Variants in RAB3IP observed in about 807,000 individuals in gnomAD.
The protein encoded by RAB3IP is RAB3A interacting protein.
A neutral mutation model predicts 59.1 loss-of-function variants in RAB3IP; 36 were observed. The ratio of observed to expected loss-of-function variants is 0.61; its 90% confidence interval spans 0.47 to 0.80. The LOEUF is 0.80. RAB3IP is among the 30% of genes least tolerant of loss of function. The pLI is 0.00. For missense variants in RAB3IP, 511 were observed against 536.0 expected (o/e 0.95, Z 0.46); for synonymous variants, 207 against 191.2 (o/e 1.08, Z -0.68).
rs944074790 is a variant in RAB3IP at position 69,819,370 on chromosome 12, A to G, written c.*3924A>G. The stretch of plus-strand genomic sequence containing the variant: ...GGGTATGTGCATAACAGAGACAGAA[A>G]TTCAGTGTTTGACAGATCAAGTGTG... On this transcript the variant is annotated 3_prime_UTR_variant, in exon 11 of 11. Coordinates refer to ENST00000247833, the MANE Select transcript of RAB3IP (RefSeq NM_022456.5). 1 of 152,214 alleles carries G rather than the reference A, an allele frequency of 6.6e-6. No homozygotes were observed. The highest frequency in any genetic ancestry group is 2.4e-5 in the African/African-American group (1 of 41,458). The allele number at this position is 152,214 out of a possible 1,614,324, so 9.4% of individuals were successfully genotyped here.
At position 69,781,934 on chromosome 12, in the gene RAB3IP, G is replaced by C. The variant is rs150394995; in HGVS notation, c.511-2786G>C. Reference sequence around the variant, plus strand: ...CCATGATAAGAGTATGGTTAGCTTTGTAAGAAATTGCCAAACTATCTTCCA... The same window carrying C: ...CCATGATAAGAGTATGGTTAGCTTTCTAAGAAATTGCCAAACTATCTTCCA... On this transcript the variant is annotated intron_variant, in intron 3 of 10. Transcript: ENST00000247833. Among the ~76,000 whole-genome samples the C allele has an allele frequency of 7.9e-5, 12 of 152,328 alleles. No homozygotes were observed. In the East Asian group the frequency reaches 2.3e-3, roughly 29 times the overall value.
At chr12:69,752,585 A>G (rs1415074111) in intron 1 of RAB3IP, among the ~76,000 whole-genome samples, 2 of 152,156 alleles carry the variant, frequency 1.3e-5, no homozygotes, top group South Asian at 2.1e-4. Flanking sequence ...ATGCTGGGTC[A>G]CAGGTTTAAT....
intron 3 of RAB3IP, among the ~76,000 whole-genome samples, chr12:69,771,039 G>C (rs191799209): frequency 6.6e-6 from 1 of 151,936 alleles, no homozygotes; most frequent in African/African-American, 2.4e-5. Flanking sequence ...TTTGATAACC[G>C]CTATTCTCTG....
chr12:69,749,204 G>A (rs1479469872), intron 1 of RAB3IP, among the ~76,000 whole-genome samples: 1 of 152,220 alleles, frequency 6.6e-6, no homozygotes, highest in African/African-American at 2.4e-5. Context: ...TCCACCTCCT[G>A]TCAGATCAGC....
chr12:69,771,077 A>G (rs1351148420), intron 3 of RAB3IP, among the ~76,000 whole-genome samples: 1 of 152,174 alleles, frequency 6.6e-6, no homozygotes. Flanking sequence ...CAAATTTTTT[A>G]GATTTCACAT....
Position 69,812,970 on chromosome 12 carries a change from T to C in RAB3IP, c.1237T>C (p.Ser413Pro). The C allele has an allele frequency of 6.2e-7, 1 of 1,613,476 alleles. No homozygotes were observed. Among genetic ancestry groups the C allele is most frequent in the South Asian group, 1.1e-5 (1 of 91,072 alleles). The change falls in exon 10 of 11, where the codon TCT becomes CCT. Residue 413 changes from serine to proline, a missense_variant. Coordinates refer to ENST00000247833, the MANE Select transcript of RAB3IP (RefSeq NM_022456.5). ...ISPFCRYRITSVCNFFTYIRY... is the reference protein window; with the variant it reads ...ISPFCRYRITPVCNFFTYIRY... Reference sequence around the variant, plus strand: ...TTTTCTCCATTTGGCCTAGATCACTTCTGTATGTAACTTTTTTACATACAT... The same window carrying C: ...TTTTCTCCATTTGGCCTAGATCACTCCTGTATGTAACTTTTTTACATACAT...
chr12:69,755,282 A>C, intron 1 of RAB3IP, 102 bp from the exon 2 acceptor site: 2 of 1,059,294 alleles, frequency 1.9e-6, no homozygotes, highest in Admixed American at 5.5e-5. Flanking sequence ...TAAGCTTATA[A>C]TTTACAATGG....
chr12:69,782,201 A>G lies in RAB3IP; in HGVS notation c.511-2519A>G, dbSNP rs185224266. Among the ~76,000 whole-genome samples, 58 of 152,202 alleles carry G rather than the reference A, an allele frequency of 3.8e-4. No individual in the cohort carries two copies. In the East Asian group the frequency reaches 6.2e-3, roughly 16 times the overall value. On this transcript the variant is annotated intron_variant, in intron 3 of 10. Transcript: ENST00000247833. The stretch of plus-strand genomic sequence containing the variant: ...TCTTTTTGAGATCGAGTCTCGCTCT[A>G]TCGCCCAGGCTGGAGTGCAGTGGCG...
At chr12:69,797,695 C>A (rs988236432) in intron 6 of RAB3IP, among the ~76,000 whole-genome samples, 6 of 151,182 alleles carry the variant, frequency 4.0e-5, no homozygotes, top group Non-Finnish European at 8.8e-5. Flanking sequence ...CACAACAGTC[C>A]CCAGAGTGTG....
intron 1 of RAB3IP, chr12:69,739,759 C>T (rs977806228): frequency 4.0e-6 from 6 of 1,495,192 alleles, no homozygotes; most frequent in Non-Finnish European, 4.7e-6. Flanking sequence ...GACAACTCGC[C>T]CCGACCGCCC....
chr12:69,756,265 C>A, intron 2 of RAB3IP, 140 bp from the exon 3 acceptor site: 2 of 771,552 alleles, frequency 2.6e-6, no homozygotes, highest in Non-Finnish European at 4.2e-6. Flanking sequence ...TGAAATGTGG[C>A]TGATATGACT....
In RAB3IP at chr12:69,750,286, C is replaced by A. The variant is rs138460492; in HGVS notation, c.-25-5098C>A. On this transcript the variant is annotated intron_variant, in intron 1 of 10. Coordinates refer to ENST00000247833, the MANE Select transcript of RAB3IP (RefSeq NM_022456.5). ...TGACTTGGCTCCTTGGCTTCCCATT[C>A]CCTTCCTCTCTCCCTGGATTATTTT... Among the ~76,000 whole-genome samples the A allele has an allele frequency of 2.0e-4, 30 of 152,280 alleles. No homozygotes were observed. The East Asian group carries it at 5.8e-3, about 29-fold the overall frequency.
chr12:69,797,135 G>C (rs901561227), intron 6 of RAB3IP, among the ~76,000 whole-genome samples: 3 of 152,152 alleles, frequency 2.0e-5, no homozygotes, highest in Non-Finnish European at 4.4e-5. Flanking sequence ...AATATGATGG[G>C]GCACTCAGTT....
intron 8 of RAB3IP, among the ~76,000 whole-genome samples, chr12:69,807,416 C>A (rs1303696554): frequency 6.7e-6 from 1 of 148,514 alleles, no homozygotes; most frequent in Non-Finnish European, 1.5e-5. Flanking sequence ...CCTCACCTCC[C>A]AGACGGGGCG....
intron 4 of RAB3IP, 32 bp downstream of exon 4, chr12:69,784,847 C>A: frequency 8.0e-7 from 1 of 1,247,332 alleles, no homozygotes; most frequent in Non-Finnish European, 1.2e-6. Context: ...CCAACAGCAA[C>A]ATCTTGACTT....
chr12:69,796,659 A>G (rs552239200), intron 6 of RAB3IP: 4 of 616,776 alleles, frequency 6.5e-6, no homozygotes, highest in South Asian at 2.0e-5. Context: ...AGAGAAGTTC[A>G]ATACTTGGTT....
intron 3 of RAB3IP, among the ~76,000 whole-genome samples, chr12:69,783,176 A>G (rs931507487): frequency 1.3e-5 from 2 of 152,212 alleles, no homozygotes; most frequent in African/African-American, 4.8e-5. Flanking sequence ...CTATGAAAGA[A>G]TAAATCAGGA....
rs1881375902 is a variant in RAB3IP, at chr12:69,818,517, T to C, written c.*3071T>C. 1 of 152,044 alleles carries C rather than the reference T, an allele frequency of 6.6e-6. No homozygotes were observed. The highest frequency in any genetic ancestry group is 2.4e-5 in the African/African-American group (1 of 41,380). 9.4% of individuals were successfully genotyped at this position (152,044 alleles called of 1,614,324 possible). A position where few individuals can be genotyped will look rare whatever the true frequency, so the allele number is the denominator to read the frequency against. ...TTTCAGTATATACTTGAGAAATGCT[T>C]GCACAGGTCCCCCAGATCACACATA... On this transcript the variant is annotated 3_prime_UTR_variant, in exon 11 of 11. Coordinates refer to ENST00000247833, the MANE Select transcript of RAB3IP (RefSeq NM_022456.5).
intron 6 of RAB3IP, among the ~76,000 whole-genome samples, chr12:69,797,991 C>A (rs917121359): frequency 6.6e-6 from 1 of 152,090 alleles, no homozygotes; most frequent in African/African-American, 2.4e-5. Flanking sequence ...CATACGTGTG[C>A]GTGTGTCTTT....
Sources: gnomAD v4.1 joint callset for allele counts (sites outside exome capture counted in the v4.1 genomes callset) on GRCh38, gnomAD v4.1.1 for gene constraint, MANE v1.5 for transcripts, NCBI Gene and HGNC (gene_info 2026-07-23, HGNC 2026-07-21) for gene names.